UBE2D3: variants seen among roughly 807,000 people sequenced by gnomAD.
UBE2D3 encodes the protein ubiquitin conjugating enzyme E2 D3, also known as ubiquitin-conjugating enzyme E2 D3.
In UBE2D3, 2 loss-of-function variants were observed where a neutral mutation model predicts 22.8. The observed-to-expected ratio is 0.09, with a 90% CI of 0.04 to 0.28. The LOEUF (loss-of-function observed/expected upper bound fraction) is 0.28. Ranked by LOEUF, UBE2D3 falls within the 10% of genes least tolerant of loss-of-function variation. UBE2D3 has a pLI of 1.00. For missense variants in UBE2D3, 27 were observed against 182.5 expected, an observed-to-expected ratio of 0.15 and a Z score of 4.91; for synonymous variants, 56 against 60.4, an observed-to-expected ratio of 0.93 and a Z score of 0.34.
intron 4 of UBE2D3, among the ~76,000 whole-genome samples, chr4:102,804,630 T>A (rs938936924): frequency 6.6e-6 from 1 of 152,198 alleles, no homozygotes; most frequent in Non-Finnish European, 1.5e-5. Flanking sequence ...GATATGTTTT[T>A]TCTGTGTAAA....
intron 2 of UBE2D3, among the ~76,000 whole-genome samples, chr4:102,823,593 T>G (rs1449284196): frequency 6.6e-6 from 1 of 152,234 alleles, no homozygotes; most frequent in Non-Finnish European, 1.5e-5. Context: ...CTAAAACACA[T>G]ATATTGTAGT....
chr4:102,846,811 AT>A (rs765588517), intron 1 of UBE2D3, among the ~76,000 whole-genome samples: 3,799 of 141,496 alleles, frequency 0.027, 118 homozygotes, highest in African/African-American at 0.087. Context: ...GGCTAATTAA[AT>A]TTTTTTTTTT....
intron 1 of UBE2D3, among the ~76,000 whole-genome samples, chr4:102,840,897 G>C (rs1731714828): frequency 6.6e-6 from 1 of 151,888 alleles, no homozygotes; most frequent in Non-Finnish European, 1.5e-5. Context: ...GGCGCCTGTA[G>C]TCCCAGCTAC....
chr4:102,804,060 T>G (rs1034845731), intron 4 of UBE2D3, among the ~76,000 whole-genome samples: 1 of 152,046 alleles, frequency 6.6e-6, no homozygotes, highest in African/African-American at 2.4e-5. Context: ...TGAGCTACTG[T>G]ACCCAGCCAG....
In UBE2D3 at chr4:102,798,889, T is replaced by A. The variant is rs776008144; in HGVS notation, c.398+518A>T. ...GCATGCAGCACTCAAGTGCTGGCAGTACCATAATAAGCGCACCATAGAGTG... is the reference window on the plus strand; with the variant it reads ...GCATGCAGCACTCAAGTGCTGGCAGAACCATAATAAGCGCACCATAGAGTG... On this transcript the variant is annotated intron_variant, in intron 7 of 7. Transcript: ENST00000453744. The A allele has an allele frequency of 8.1e-6, 13 of 1,603,558 alleles. No individual in the cohort carries two copies. In the East Asian group the frequency reaches 1.6e-4, roughly 19 times the overall value.
At chr4:102,825,745 G>A in intron 2 of UBE2D3, 1 of 492,448 alleles carries the variant, frequency 2.0e-6, no homozygotes, top group Non-Finnish European at 3.8e-6. Flanking sequence ...TACTGCCATC[G>A]CACCCCTTAT....
intron 6 of UBE2D3, among the ~76,000 whole-genome samples, chr4:102,800,806 C>T (rs1726038914): frequency 6.6e-6 from 1 of 151,952 alleles, no homozygotes; most frequent in Non-Finnish European, 1.5e-5. Flanking sequence ...TTACTGAACT[C>T]ATAAAATCAA....
intron 4 of UBE2D3, among the ~76,000 whole-genome samples, chr4:102,804,983 C>A (rs1726806109): frequency 1.3e-5 from 2 of 152,172 alleles, no homozygotes; most frequent in Admixed American, 6.5e-5. Context: ...CCATGCCCGG[C>A]CCCAAACATT....
At chr4:102,852,833 A>T (rs1201098126) in intron 1 of UBE2D3, among the ~76,000 whole-genome samples, 3 of 152,192 alleles carry the variant, frequency 2.0e-5, no homozygotes, top group Non-Finnish European at 4.4e-5. Context: ...AAGTTGAAAA[A>T]TTTCACATTT....
chr4:102,868,706 G>A (rs373799594), intron 1 of UBE2D3: 145 of 1,613,898 alleles, frequency 9.0e-5, no homozygotes, highest in Non-Finnish European at 1.2e-4. Context: ...GAGACAGCAA[G>A]AGACTCACTT....
chr4:102,815,383 T>A (rs1043511190), intron 2 of UBE2D3, among the ~76,000 whole-genome samples: 1 of 152,076 alleles, frequency 6.6e-6, no homozygotes, highest in Admixed American at 6.5e-5. Flanking sequence ...AAAATAAAAA[T>A]CAATGTAATC....
intron 2 of UBE2D3, chr4:102,825,487 A>G: frequency 8.6e-7 from 1 of 1,156,300 alleles, no homozygotes; most frequent in Non-Finnish European, 1.1e-6. Context: ...CATTATTACG[A>G]AAGGAGATGC....
Position 102,809,798 on chromosome 4 carries a change from C to T in UBE2D3, c.82G>A (p.Asp28Asn). The T allele has an allele frequency of 1.2e-6, 2 of 1,613,976 alleles. No individual in the cohort carries two copies. Among genetic ancestry groups the T allele is most frequent in the Non-Finnish European group, 1.7e-6 (2 of 1,179,994 alleles). ...PAQCSAGPVG[D>N]DMFHWQATIM... ...CAACTTGCAAGTTACTTACTATCAT[C>T]CCCAACTGGACCTGCAGAACATTGT... The change falls in exon 3 of 8, where the codon GAT (aspartate) becomes AAT (asparagine). Residue 28 changes from aspartate (D) to asparagine (N), a missense_variant. Coordinates refer to ENST00000453744, the MANE Select transcript of UBE2D3 (RefSeq NM_181891.3).
At position 102,799,099 on chromosome 4, in the gene UBE2D3, A is replaced by G. The variant is rs533996730; in HGVS notation, c.398+308T>C. On this transcript the variant is annotated intron_variant, in intron 7 of 7. Coordinates refer to ENST00000453744, the MANE Select transcript of UBE2D3 (RefSeq NM_181891.3). ...ACCAAATTTTTACAATAGTACTAAC[A>G]TTTTTGGAAAAACATGCTTGGGGTA... The G allele has an allele frequency of 3.0e-5, 34 of 1,120,348 alleles. No individual in the cohort carries two copies. In the East Asian group the frequency reaches 7.7e-4, roughly 25 times the overall value. The allele number at this position is 1,120,348 out of a possible 1,614,324, so 69.4% of individuals were successfully genotyped here. A position where few individuals can be genotyped will look rare whatever the true frequency, so the allele number is the denominator to read the frequency against.
intron 1 of UBE2D3, among the ~76,000 whole-genome samples, chr4:102,845,338 A>G (rs1281425633): frequency 6.6e-6 from 1 of 152,198 alleles, no homozygotes; most frequent in Non-Finnish European, 1.5e-5. Context: ...GCTCACTGGA[A>G]GTATCTGGGG....
At chr4:102,853,134 CA>C (rs1350700626) in intron 1 of UBE2D3, among the ~76,000 whole-genome samples, 18 of 80,746 alleles carry the variant, frequency 2.2e-4, no homozygotes, top group South Asian at 7.2e-4. Flanking sequence ...CAAACACACA[CA>C]TTTTTTTTTT....
chr4:102,862,707 T>C (rs1732957659), intron 1 of UBE2D3, among the ~76,000 whole-genome samples: 1 of 152,214 alleles, frequency 6.6e-6, no homozygotes, highest in Non-Finnish European at 1.5e-5. Context: ...AAATTATAGG[T>C]AGTTTTTCTT....
At chr4:102,797,582 G>A in intron 7 of UBE2D3, 122 bp from the exon 8 acceptor site, 1 of 653,470 alleles carries the variant, frequency 1.5e-6, no homozygotes, top group Admixed American at 3.3e-5. Context: ...TAATGACTAT[G>A]ATTAGAATAA....
upstream of UBE2D3, among the ~76,000 whole-genome samples, chr4:102,831,056 T>C (rs147106025): frequency 2.0e-5 from 3 of 152,358 alleles, no homozygotes; most frequent in Admixed American, 6.5e-5. Flanking sequence ...ATTGTATCTA[T>C]GTTTTCATGT....
Sources: gnomAD v4.1 joint callset for allele counts (sites outside exome capture counted in the v4.1 genomes callset) on GRCh38, gnomAD v4.1.1 for gene constraint, MANE v1.5 for transcripts, NCBI Gene and HGNC (gene_info 2026-07-23, HGNC 2026-07-21) for gene names.